SMOC1: variants seen among roughly 807,000 people sequenced by gnomAD.
SMOC1 encodes the protein SPARC-related modular calcium-binding protein 1.
SMOC1 carries 22 observed loss-of-function variants against 56.3 expected under a neutral mutation model. That is an observed-to-expected ratio of 0.39 (90% CI 0.28 to 0.56). The LOEUF is 0.56. Ranked by LOEUF, SMOC1 falls within the 20% of genes least tolerant of loss-of-function variation. The probability of loss-of-function intolerance (pLI) is 0.61; values close to 1 mark genes in which losing one functional copy is unlikely to be tolerated. For synonymous variants in SMOC1, 193 were observed against 215.0 expected (o/e 0.90, Z 0.89); for missense variants, 509 against 565.4 (o/e 0.90, Z 1.01).
intron 11 of SMOC1, among the ~76,000 whole-genome samples, chr14:70,026,858 G>A (rs1374984618): frequency 6.6e-6 from 1 of 152,166 alleles, no homozygotes; most frequent in African/African-American, 2.4e-5. Flanking sequence ...GTATGGCTAT[G>A]TGTGCATGTC....
At chr14:69,943,601 C>T (rs1350763385) in intron 1 of SMOC1, among the ~76,000 whole-genome samples, 3 of 152,180 alleles carry the variant, frequency 2.0e-5, no homozygotes, top group Admixed American at 6.5e-5. Flanking sequence ...GGAGAGCAAG[C>T]GGCTGAGCCG....
chr14:69,932,103 T>C (rs79415220), intron 1 of SMOC1, among the ~76,000 whole-genome samples: 14,467 of 152,234 alleles, frequency 0.095, 743 homozygotes, highest in South Asian at 0.15. Flanking sequence ...AACAGGTGCG[T>C]GGTGGGTTGT....
At chr14:70,012,087 T>C (rs1342368107) in intron 9 of SMOC1, among the ~76,000 whole-genome samples, 2 of 152,222 alleles carry the variant, frequency 1.3e-5, no homozygotes, top group Non-Finnish European at 2.9e-5. Flanking sequence ...TGCCTGCAAG[T>C]TACAGTAACA....
At position 69,879,645 on chromosome 14, in the gene SMOC1, C is replaced by G; in HGVS notation, c.-34C>G. 2.1e-6 allele frequency: 3 copies of G among 1,459,120 alleles called. No individual in the cohort carries two copies. The highest frequency in any genetic ancestry group is 9.0e-7 in the Non-Finnish European group (1 of 1,110,330). The allele number at this position is 1,459,120 out of a possible 1,614,324, so 90.4% of individuals were successfully genotyped here. A position where few individuals can be genotyped will look rare whatever the true frequency, so the allele number is the denominator to read the frequency against. On this transcript the variant is annotated 5_prime_UTR_variant, in exon 1 of 12. Coordinates refer to ENST00000361956, the MANE Select transcript of SMOC1 (RefSeq NM_001034852.3). ...TGCGCCCCGCGGAGCCCGCGAACCC[C>G]GCTCGCTGCCGGCTGCCCAGCCTGG...
At chr14:69,995,281 TC>T (rs1193653689) in intron 7 of SMOC1, among the ~76,000 whole-genome samples, 1 of 152,200 alleles carries the variant, frequency 6.6e-6, no homozygotes, top group Non-Finnish European at 1.5e-5. Context: ...TTAATGAGTG[TC>T]CTGTCATTGG....
At chr14:69,929,925 A>G (rs1885115087) in intron 1 of SMOC1, among the ~76,000 whole-genome samples, 6 of 152,114 alleles carry the variant, frequency 3.9e-5, no homozygotes, top group Admixed American at 3.3e-4. Context: ...GGGCCAAGCT[A>G]GGATCAGTCT....
At chr14:69,901,823 G>A (rs78176318) in intron 1 of SMOC1, among the ~76,000 whole-genome samples, 2,045 of 152,344 alleles carry the variant, frequency 0.013, 35 homozygotes, top group African/African-American at 0.047. Context: ...CATTGGGAGA[G>A]GGAAATTCAG....
At chr14:69,930,387 A>T (rs1206292223) in intron 1 of SMOC1, among the ~76,000 whole-genome samples, 4 of 152,140 alleles carry the variant, frequency 2.6e-5, no homozygotes, top group African/African-American at 4.8e-5. Flanking sequence ...GGTTGGATGG[A>T]TGTGCTCTTG....
At chr14:69,987,287 A>G (rs895301094) in intron 5 of SMOC1, among the ~76,000 whole-genome samples, 1 of 152,222 alleles carries the variant, frequency 6.6e-6, no homozygotes, top group Non-Finnish European at 1.5e-5. Context: ...TGGTTTGGGG[A>G]GAGCCCAAGA....
intron 1 of SMOC1, among the ~76,000 whole-genome samples, chr14:69,924,763 G>C (rs1359784845): frequency 1.5e-4 from 1 of 6,718 alleles, no homozygotes; most frequent in African/African-American, 1.8e-3. Context: ...GGTAAGGGAG[G>C]TAGGGGAGGT....
intron 1 of SMOC1, among the ~76,000 whole-genome samples, chr14:69,937,851 G>C (rs561834697): frequency 6.6e-6 from 1 of 152,196 alleles, no homozygotes; most frequent in Admixed American, 6.5e-5. Flanking sequence ...GATCTCAAAT[G>C]ACAGTGGAAA....
chr14:69,935,892 A>T (rs1885282999), intron 1 of SMOC1, among the ~76,000 whole-genome samples: 1 of 152,218 alleles, frequency 6.6e-6, no homozygotes, highest in Non-Finnish European at 1.5e-5. Context: ...GGGGGTTAGT[A>T]AATTTTATGG....
chr14:69,887,682 A>G (rs1296153150), intron 1 of SMOC1, among the ~76,000 whole-genome samples: 1 of 152,126 alleles, frequency 6.6e-6, no homozygotes, highest in African/African-American at 2.4e-5. Context: ...TGGCTTCTAG[A>G]CCCAGAGCAG....
At chr14:69,945,792 T>C (rs1469160506) in intron 1 of SMOC1, among the ~76,000 whole-genome samples, 1 of 152,184 alleles carries the variant, frequency 6.6e-6, no homozygotes, top group African/African-American at 2.4e-5. Flanking sequence ...CAGAGAGAAA[T>C]GTCACTTGCT....
chr14:69,965,404 T>TAATAATAATAATAAA lies in SMOC1; in HGVS notation c.379-10309_379-10308insTAATAATAATAAAAA, dbSNP rs761154559. 6.7e-3 allele frequency among the ~76,000 whole-genome samples: 996 copies of TAATAATAATAATAAA among 149,446 alleles called. 12 individuals carry two copies. Among genetic ancestry groups the TAATAATAATAATAAA allele is most frequent in the Admixed American group, 0.024 (363 of 14,830 alleles). ...ATAATAATAATAATAATAATAATAA[T>TAATAATAATAATAAA]AAAAAGATGACCAAAGGGATACCTG... On this transcript the variant is annotated intron_variant, in intron 3 of 11. Coordinates refer to ENST00000361956, the MANE Select transcript of SMOC1 (RefSeq NM_001034852.3).
At chr14:69,934,223 T>C (rs1265044472) in intron 1 of SMOC1, among the ~76,000 whole-genome samples, 1 of 152,156 alleles carries the variant, frequency 6.6e-6, no homozygotes, top group African/African-American at 2.4e-5. Context: ...AGCACCCCTT[T>C]CTTTGCTGTG....
At chr14:70,008,410 A>AT (rs1459197779) in intron 7 of SMOC1, among the ~76,000 whole-genome samples, 1 of 152,150 alleles carries the variant, frequency 6.6e-6, no homozygotes, top group Non-Finnish European at 1.5e-5. Context: ...AAATGCTGGG[A>AT]TTATAGGCAT....
At chr14:70,006,532 A>C (rs1158070422) in intron 7 of SMOC1, among the ~76,000 whole-genome samples, 1 of 152,236 alleles carries the variant, frequency 6.6e-6, no homozygotes, top group Non-Finnish European at 1.5e-5. Context: ...CAGGGCTACA[A>C]AAATACGTAC....
chr14:70,020,664 G>A (rs1460037518), intron 10 of SMOC1, among the ~76,000 whole-genome samples: 3 of 152,168 alleles, frequency 2.0e-5, no homozygotes, highest in Admixed American at 6.5e-5. Context: ...AGGGTGGGGG[G>A]CAGCAATCAG....
Sources: gnomAD v4.1 joint callset for allele counts (sites outside exome capture counted in the v4.1 genomes callset) on GRCh38, gnomAD v4.1.1 for gene constraint, MANE v1.5 for transcripts, NCBI Gene and HGNC (gene_info 2026-07-23, HGNC 2026-07-21) for gene names.